Variants in NEB observed in about 807,000 individuals in gnomAD.
NEB encodes nebulin, also known as nemaline myopathy type 2.
Under a neutral mutation model 952.2 loss-of-function variants are expected in NEB, and 512 were observed. The ratio of observed to expected loss-of-function variants is 0.54; its 90% CI spans 0.50 to 0.58. The LOEUF (loss-of-function observed/expected upper bound fraction) is 0.58. Ranked by LOEUF, NEB falls within the 20% of genes least tolerant of loss-of-function variation. The pLI, the probability that NEB is intolerant of heterozygous loss-of-function variation, is 0.00. For missense variants in NEB, 8,428 were observed against 9,231.1 expected, an observed-to-expected ratio of 0.91 and a Z score of 3.56; for synonymous variants, 2,900 against 3,149.8, an observed-to-expected ratio of 0.92 and a Z score of 2.66.
intron 64 of NEB, among the ~76,000 whole-genome samples, chr2:151,634,608 C>T (rs2098722078): frequency 6.6e-6 from 1 of 152,054 alleles, no homozygotes; most frequent in Admixed American, 6.5e-5. Flanking sequence ...CGCCACTGCA[C>T]TCCAGCCTGG....
In NEB at chr2:151,519,818, G is replaced by T. The variant is rs1381575187; in HGVS notation, c.22480-50C>A. On this transcript the variant is annotated intron_variant, in intron 153 of 181. Transcript: ENST00000397345. ...ATTATTCCTGGACATCAATCAATTT[G>T]GGAATTGGGGAATAGTAGAAACACA... The T allele has an allele frequency of 3.3e-6, 4 of 1,198,134 alleles. No homozygotes were observed. In the African/African-American group the frequency reaches 6.0e-5, roughly 18 times the overall value. 74.2% of individuals were successfully genotyped at this position (1,198,134 alleles called of 1,614,324 possible). A position where few individuals can be genotyped will look rare whatever the true frequency, so the allele number is the denominator to read the frequency against.
intron 13 of NEB, among the ~76,000 whole-genome samples, chr2:151,704,905 A>C (rs2099698785): frequency 6.6e-6 from 1 of 152,180 alleles, no homozygotes; most frequent in South Asian, 2.1e-4. Context: ...CAAAAAATTA[A>C]GAAACCAATA....
chr2:151,642,666 C>T lies in NEB; in HGVS notation c.8281G>A (p.Gly2761Ser), dbSNP rs766717851. The T allele has an allele frequency of 9.9e-6, 16 of 1,613,744 alleles. No homozygotes were observed. In the East Asian group the frequency reaches 3.6e-4, roughly 36 times the overall value. The change falls in exon 60 of 182, where the codon GGC (glycine) becomes AGC (serine). Residue 2761 changes from glycine (G) to serine (S), a missense_variant. Physicochemically the swap from Gly to Ser is moderately conservative, Grantham distance 56. Transcript: ENST00000397345. ...CCTTTCCTCTTGGCTTCTTCTAGGC[C>T]AAGCTTATACAATTTCTAAAATAGA... ...VNYSEKLYKL[G>S]LEEAKRKGYD...
Position 151,650,355 on chromosome 2 carries a change from A to T in NEB, c.7252T>A (p.Trp2418Arg), listed in dbSNP as rs780437384. ...SENLYKSDLEWLRGIGWSPLG... is the reference protein window; with the variant it reads ...SENLYKSDLERLRGIGWSPLG... ...GGACTCCATCCTATGCCTCTCAGCC[A>T]CTCAAGGTCAGATTTATATAGATTC... Residue 2418 changes from tryptophan (W) to arginine (R), a missense_variant, in exon 54 of 182, where the codon TGG (tryptophan) becomes AGG (arginine). This residue lies in a region of NEB where 1,772 missense variants were observed against 1,960.3 expected (regional missense o/e 0.90). Coordinates refer to ENST00000397345, the MANE Select transcript of NEB (RefSeq NM_001164508.2). 29 of 1,613,832 alleles carry T rather than the reference A, an allele frequency of 1.8e-5. No homozygotes were observed. The highest frequency in any genetic ancestry group is 2.3e-5 in the Non-Finnish European group (27 of 1,179,818).
intron 8 of NEB, 135 bp downstream of exon 8, chr2:151,724,125 C>T (rs1185317661): frequency 8.4e-6 from 6 of 714,506 alleles, no homozygotes; most frequent in Non-Finnish European, 1.4e-5. Flanking sequence ...TCCCTGCAGT[C>T]TCACATGTCT....
chr2:151,491,981 C>T, intron 178 of NEB, 117 bp downstream of exon 178: 1 of 1,175,044 alleles, frequency 8.5e-7, no homozygotes, highest in South Asian at 1.5e-5. Flanking sequence ...CTTTCTTGCA[C>T]CTCTAGAAAA....
intron 25 of NEB, among the ~76,000 whole-genome samples, 159 bp downstream of exon 25, chr2:151,688,130 AAGT>A (rs2099517086): frequency 1.3e-5 from 2 of 152,236 alleles, no homozygotes; most frequent in South Asian, 4.1e-4. Context: ...TCTGATAGAT[AAGT>A]AGGAGTCTTA....
In NEB at chr2:151,665,451, G is replaced by A; in HGVS notation, c.5120C>T (p.Ala1707Val). Reference sequence around the variant, plus strand: ...CTTCTTCTCACTAAGAATCTCTCCTGCTTTCTTTGCCTTCTCCACCTCCAG... The same window carrying A: ...CTTCTTCTCACTAAGAATCTCTCCTACTTTCTTTGCCTTCTCCACCTCCAG... ...ESLEVEKAKK[A>V]GEILSEKKYR... is the part of the protein sequence containing the mutation. The change falls in exon 42 of 182, where the codon GCA becomes GTA. Residue 1707 changes from alanine to valine, a missense_variant. Transcript: ENST00000397345. The A allele has an allele frequency of 6.2e-7, 1 of 1,613,486 alleles. No homozygotes were observed. Among genetic ancestry groups the A allele is most frequent in the Non-Finnish European group, 8.5e-7 (1 of 1,179,760 alleles).
At chr2:151,722,857 GT>G (rs2099778816) in intron 9 of NEB, among the ~76,000 whole-genome samples, 1 of 152,144 alleles carries the variant, frequency 6.6e-6, no homozygotes, top group Non-Finnish European at 1.5e-5. Flanking sequence ...CCACAAATAT[GT>G]TTTAACAAGT....
chr2:151,618,476 A>G lies in NEB; in HGVS notation c.10875T>C (p.Asn3625=), dbSNP rs1182909673. The G allele has an allele frequency of 1.3e-5, 21 of 1,612,692 alleles. No individual in the cohort carries two copies. Among genetic ancestry groups the G allele is most frequent in the Non-Finnish European group, 1.8e-5 (21 of 1,179,172 alleles). The change falls in exon 74 of 182, where the codon AAT becomes AAC. Residue 3625 remains asparagine (N), a splice_region_variant and synonymous_variant. Transcript: ENST00000397345. ...ARKAYDLQSD[N]LYKSDLEWMK... ...TCCATTCAAGGTCTGACTTATACAA[A>G]TTCTGCAGATCAACAGATAAGAAAC...
intron 41 of NEB, among the ~76,000 whole-genome samples, chr2:151,665,860 A>G (rs1279581627): frequency 6.6e-6 from 1 of 152,188 alleles, no homozygotes; most frequent in Admixed American, 6.5e-5. Flanking sequence ...TTCATAGACA[A>G]CATCATATGT....
rs764985237 is a variant in NEB, at chr2:151,567,344, G to T, written c.17980C>A (p.His5994Asn). The T allele has an allele frequency of 6.2e-7, 1 of 1,613,882 alleles. No homozygotes were observed. The highest frequency in any genetic ancestry group is 8.5e-7 in the Non-Finnish European group (1 of 1,179,842). ...QNERLYKEDY[H>N]KTKAKINIPA... The stretch of plus-strand genomic sequence containing the variant: ...ATATTGATTTTGGCCTTTGTTTTGT[G>T]ATAGTCCTCTTTGTATAGTCTCTCA... Residue 5994 changes from histidine (H) to asparagine (N), a missense_variant, in exon 114 of 182, where the codon CAC (histidine) becomes AAC (asparagine). By Grantham distance (68) the His-to-Asn change is moderately conservative. This residue lies in a region of NEB where 3,374 missense variants were observed against 3,651.5 expected (regional missense o/e 0.92). Transcript: ENST00000397345.
At position 151,644,483 on chromosome 2, in the gene NEB, C is replaced by T. The variant is rs750835495; in HGVS notation, c.7629G>A (p.Arg2543=). 2 of 1,613,002 alleles carry T rather than the reference C, an allele frequency of 1.2e-6. No individual in the cohort carries two copies. Among genetic ancestry groups the T allele is most frequent in the African/African-American group, 1.3e-5 (1 of 74,866 alleles). The change falls in exon 56 of 182, where the codon CGG becomes CGA. Residue 2543 remains arginine, a synonymous_variant. Coordinates refer to ENST00000397345, the MANE Select transcript of NEB (RefSeq NM_001164508.2). ...AIPIKAAKAS[R]EIASEYKYKE... is the part of the protein sequence containing the mutation. ...AAAATCTTACTTCACTGGCAATTTC[C>T]CGGGAGGCTTTTGCTGCTTTGATTG...
chr2:151,670,566 T>C (rs1165075458), intron 38 of NEB, among the ~76,000 whole-genome samples: 1 of 151,938 alleles, frequency 6.6e-6, no homozygotes, highest in Non-Finnish European at 1.5e-5. Flanking sequence ...AAACTGCTTA[T>C]CTCCTCCCTA....
At chr2:151,679,660 GA>G in intron 32 of NEB, 60 bp downstream of exon 32, 4 of 682,638 alleles carry the variant, frequency 5.9e-6, no homozygotes, top group South Asian at 1.6e-5. Flanking sequence ...GTCATCGTCA[GA>G]CCCCAAGCCC....
rs201374063 is a variant in NEB at position 151,501,443 on chromosome 2, G to A, written c.23969C>T (p.Pro7990Leu). Reference protein sequence around the residue: ...KENLSKGTPLPVTPEMERVKL... With the variant: ...KENLSKGTPLLVTPEMERVKL... The stretch of plus-strand genomic sequence containing the variant: ...GACTCGCTCCATCTCAGGAGTGACA[G>A]GTAGGGGAGTCCCCTTGCTCAAGTT... Residue 7990 changes from proline (P) to leucine (L), a missense_variant, in exon 168 of 182, where the codon CCT becomes CTT. Transcript: ENST00000397345. 2 of 1,541,812 alleles carry A rather than the reference G, an allele frequency of 1.3e-6. No individual in the cohort carries two copies. Among genetic ancestry groups the A allele is most frequent in the South Asian group, 1.2e-5 (1 of 81,616 alleles).
Position 151,498,312 on chromosome 2 carries a change from G to A in NEB, c.24155C>T (p.Pro8052Leu). The change falls in exon 170 of 182, where the codon CCC becomes CTC. Residue 8052 changes from proline (P) to leucine (L), a missense_variant. Physicochemically the swap from Pro to Leu is moderately conservative, Grantham distance 98. Around this residue, in one of 11 missense-constraint regions of NEB, gnomAD observed 3,374 missense variants for 3,651.5 expected, o/e 0.92. Transcript: ENST00000397345. ...KENLGTGIPIPITPEMQRVKH... is the reference protein window; with the variant it reads ...KENLGTGIPILITPEMQRVKH... Reference sequence around the variant, plus strand: ...GACTCTCTGCATCTCAGGAGTGATGGGGATTGGAATTCCTGTCCCCAGGTT... The same window carrying A: ...GACTCTCTGCATCTCAGGAGTGATGAGGATTGGAATTCCTGTCCCCAGGTT... The A allele has an allele frequency of 1.3e-6, 2 of 1,551,366 alleles. No homozygotes were observed. Among genetic ancestry groups the A allele is most frequent in the Non-Finnish European group, 1.7e-6 (2 of 1,146,774 alleles).
chr2:151,566,403 T>C (rs1010180181), intron 114 of NEB, among the ~76,000 whole-genome samples: 2 of 152,228 alleles, frequency 1.3e-5, no homozygotes, highest in African/African-American at 4.8e-5. Flanking sequence ...AACAGCTATT[T>C]TGCTGCAGCA....
intron 74 of NEB, among the ~76,000 whole-genome samples, chr2:151,617,709 A>C (rs2098250004): frequency 1.3e-5 from 2 of 152,136 alleles, no homozygotes. Flanking sequence ...TTTATAGGAA[A>C]GAGTTATAGC....
Sources: allele counts gnomAD v4.1 joint callset (sites outside exome capture counted in the v4.1 genomes callset), GRCh38; gene constraint gnomAD v4.1.1; regional missense constraint gnomAD v4.1.1; transcripts MANE v1.5; gene names NCBI Gene and HGNC (gene_info 2026-07-23, HGNC 2026-07-21).